The following IPO11 variants were observed in gnomAD, a reference collection of about 807,000 sequenced individuals.
IPO11 encodes importin-11.
IPO11 carries 66 observed loss-of-function variants against 143.2 expected under a neutral mutation model. That is an observed-to-expected ratio of 0.46 (90% CI 0.38 to 0.57). The LOEUF (loss-of-function observed/expected upper bound fraction) is 0.57, where lower values mean the gene tolerates loss of function less well. Ranked by LOEUF, IPO11 falls within the 20% of genes least tolerant of loss-of-function variation. IPO11 has a pLI of 0.00. For missense variants in IPO11, 1,026 were observed against 1,141.0 expected (o/e 0.90, Z 1.45); for synonymous variants, 385 against 377.8 (o/e 1.02, Z -0.22).
chr5:62,598,565 T>TCTTTCTTTCG (rs770605911), intron 28 of IPO11, among the ~76,000 whole-genome samples: 7 of 40,932 alleles, frequency 1.7e-4, no homozygotes, highest in African/African-American at 7.1e-4. Flanking sequence ...TTTTTTTTTT[T>TCTTTCTTTCG]ATGGAGTCTT....
intron 5 of IPO11, among the ~76,000 whole-genome samples, chr5:62,453,854 G>T (rs1279527433): frequency 6.6e-6 from 1 of 152,080 alleles, no homozygotes; most frequent in Non-Finnish European, 1.5e-5. Context: ...GCCAGTCTTG[G>T]CTGGGTGCGG....
chr5:62,497,507 G>T (rs902912409), intron 16 of IPO11, among the ~76,000 whole-genome samples: 3 of 151,912 alleles, frequency 2.0e-5, no homozygotes, highest in Non-Finnish European at 4.4e-5. Flanking sequence ...TCACTTTGTT[G>T]CCCAGGCTAG....
At chr5:62,413,789 C>T (rs555101234) in intron 1 of IPO11, among the ~76,000 whole-genome samples, 1 of 152,338 alleles carries the variant, frequency 6.6e-6, no homozygotes, top group African/African-American at 2.4e-5. Context: ...TAGGAATTTT[C>T]TTCCTCCATT....
chr5:62,506,830 G>A (rs1469189029), intron 19 of IPO11, among the ~76,000 whole-genome samples: 2 of 152,250 alleles, frequency 1.3e-5, no homozygotes, highest in East Asian at 3.9e-4. Context: ...GAATCTTTGT[G>A]GAAAATTGTT....
chr5:62,573,812 C>T (rs1744224890), intron 27 of IPO11, among the ~76,000 whole-genome samples: 1 of 152,152 alleles, frequency 6.6e-6, no homozygotes, highest in Admixed American at 6.5e-5. Flanking sequence ...TTGTGTGGAG[C>T]CTTGATGCCC....
At chr5:62,459,235 T>A (rs538281493) in intron 5 of IPO11, among the ~76,000 whole-genome samples, 1 of 152,166 alleles carries the variant, frequency 6.6e-6, no homozygotes, top group Non-Finnish European at 1.5e-5. Flanking sequence ...GGCCACAGTG[T>A]CCCTCCTGGG....
At chr5:62,494,887 T>A (rs73105993) in intron 16 of IPO11, among the ~76,000 whole-genome samples, 2,558 of 152,218 alleles carry the variant, frequency 0.017, 66 homozygotes, top group African/African-American at 0.059. Context: ...AGATCTTTTT[T>A]AATCATTTCT....
At chr5:62,625,659 A>G (rs566058138) in intron 29 of IPO11, among the ~76,000 whole-genome samples, 13 of 152,370 alleles carry the variant, frequency 8.5e-5, no homozygotes, top group South Asian at 8.3e-4. Flanking sequence ...TTTCCGATCT[A>G]TATTCTAGTT....
chr5:62,606,472 C>T (rs1048618606), intron 29 of IPO11, among the ~76,000 whole-genome samples: 16 of 133,202 alleles, frequency 1.2e-4, no homozygotes, highest in African/African-American at 4.7e-4. Flanking sequence ...CAGAACGAGA[C>T]CCTGTCTTAA....
intron 1 of IPO11, among the ~76,000 whole-genome samples, chr5:62,430,829 C>T (rs572102464): frequency 6.6e-6 from 1 of 150,674 alleles, no homozygotes; most frequent in East Asian, 2.0e-4. Flanking sequence ...AGGCGTGCAC[C>T]ATCACGTCTG....
At chr5:62,592,708 A>C (rs919918596) in intron 28 of IPO11, among the ~76,000 whole-genome samples, 1 of 152,126 alleles carries the variant, frequency 6.6e-6, no homozygotes, top group Non-Finnish European at 1.5e-5. Flanking sequence ...AAGGGGAAGC[A>C]AACATGTCCT....
chr5:62,495,544 G>A (rs1032592548), intron 16 of IPO11, among the ~76,000 whole-genome samples: 1 of 152,028 alleles, frequency 6.6e-6, no homozygotes, highest in Non-Finnish European at 1.5e-5. Flanking sequence ...ATACTATCAC[G>A]GCTCATTGTA....
chr5:62,626,851 G>A (rs1282850279), intron 29 of IPO11, among the ~76,000 whole-genome samples: 3 of 152,120 alleles, frequency 2.0e-5, no homozygotes, highest in Non-Finnish European at 2.9e-5. Context: ...AGCATGTTCT[G>A]TTTCTTTTAG....
chr5:62,427,575 C>T lies in IPO11; in HGVS notation c.-6-9699C>T, dbSNP rs532128203. 3.9e-5 allele frequency among the ~76,000 whole-genome samples: 6 copies of T among 152,290 alleles called. No homozygotes were observed. In the South Asian group the frequency reaches 1.2e-3, roughly 32 times the overall value. ...AGAGTGAGCATTACTACCTGAGGTC[C>T]ACCTCCTGTCAGATCAGCAGCAGCA... is the stretch of plus-strand genomic sequence containing the variant. On this transcript the variant is annotated intron_variant, in intron 1 of 29. Transcript: ENST00000325324.
chr5:62,613,070 T>C (rs1282847096), intron 29 of IPO11, among the ~76,000 whole-genome samples: 2 of 152,214 alleles, frequency 1.3e-5, no homozygotes, highest in Non-Finnish European at 2.9e-5. Flanking sequence ...AGCAGTGTTT[T>C]GTTGTTTAAT....
chr5:62,626,770 G>C (rs1280371983), intron 29 of IPO11, among the ~76,000 whole-genome samples: 1 of 151,840 alleles, frequency 6.6e-6, no homozygotes, highest in Non-Finnish European at 1.5e-5. Flanking sequence ...GCATCACTGG[G>C]TTGCCACAGT....
Position 62,584,612 on chromosome 5 carries a change from C to CA in IPO11, c.2583-6939dup, listed in dbSNP as rs56062359. Among the ~76,000 whole-genome samples the CA allele has an allele frequency of 6.2e-3, 365 of 58,640 alleles. 8 individuals are homozygous for CA. Among genetic ancestry groups the CA allele is most frequent in the Middle Eastern group, 0.033 (2 of 60 alleles). 38.5% of individuals were successfully genotyped at this position (58,640 alleles called of 152,430 possible). ...TGGATGACAGAGCAAAACTGTGCCTCAAAAAAAAAAAAAAAAAAAAAAAAA... is the reference window on the plus strand; with the variant it reads ...TGGATGACAGAGCAAAACTGTGCCTCAAAAAAAAAAAAAAAAAAAAAAAAAA... On this transcript the variant is annotated intron_variant, in intron 27 of 29. Transcript: ENST00000325324.
At chr5:62,591,510 G>GAAA in intron 27 of IPO11, 67 bp from the exon 28 acceptor site, 4 of 789,696 alleles carry the variant, frequency 5.1e-6, no homozygotes, top group East Asian at 3.3e-5. Context: ...AGATGTTTAG[G>GAAA]AAAAAAAAAA....
At chr5:62,499,067 C>A (rs1471600765) in intron 16 of IPO11, among the ~76,000 whole-genome samples, 3 of 152,096 alleles carry the variant, frequency 2.0e-5, no homozygotes, top group Non-Finnish European at 2.9e-5. Context: ...AAAGAAATGG[C>A]CGTCTTCATG....
Sources: allele counts gnomAD v4.1 joint callset (sites outside exome capture counted in the v4.1 genomes callset), GRCh38; gene constraint gnomAD v4.1.1; transcripts MANE v1.5; gene names NCBI Gene and HGNC (gene_info 2026-07-23, HGNC 2026-07-21).